The following LIPA variants were observed in gnomAD, a reference collection of about 807,000 sequenced individuals.
LIPA encodes lipase A, lysosomal acid type.
Under a neutral mutation model 40.6 loss-of-function variants are expected in LIPA, and 26 were observed. The ratio of observed to expected loss-of-function variants is 0.64; its 90% confidence interval spans 0.47 to 0.89. LIPA has a LOEUF of 0.89. Among genes scored for constraint, LIPA ranks in the 40% least tolerant of loss-of-function variants. LIPA has a pLI of 0.00. For missense variants in LIPA, 455 were observed against 479.6 expected (o/e 0.95, Z 0.48); for synonymous variants, 188 against 168.4 (o/e 1.12, Z -0.90).
At chr10:89,327,446 G>A (rs561829043) in intron 1 of LIPA, among the ~76,000 whole-genome samples, 1 of 152,212 alleles carries the variant, frequency 6.6e-6, no homozygotes, top group South Asian at 2.1e-4. Context: ...AGCTACTCGG[G>A]AGGCTGAGGC....
chr10:89,359,324 T>C (rs1844006442), intron 2 of LIPA, among the ~76,000 whole-genome samples: 1 of 152,244 alleles, frequency 6.6e-6, no homozygotes, highest in South Asian at 2.1e-4. Flanking sequence ...AATTGATGAA[T>C]TAGTTAATTA....
At chr10:89,266,904 G>A (rs553558567) in intron 1 of LIPA, among the ~76,000 whole-genome samples, 5 of 152,352 alleles carry the variant, frequency 3.3e-5, no homozygotes, top group South Asian at 2.1e-4. Flanking sequence ...TAAAACTGCA[G>A]AGTGCATCAA....
At chr10:89,338,518 C>T (rs1198694068) in intron 1 of LIPA, 1 of 751,812 alleles carries the variant, frequency 1.3e-6, no homozygotes, top group Non-Finnish European at 2.1e-6. Context: ...CCAGAAACAA[C>T]CTCACATACA....
chr10:89,393,731 AAAAC>A (rs981855451), intron 2 of LIPA, among the ~76,000 whole-genome samples: 4 of 152,220 alleles, frequency 2.6e-5, no homozygotes, highest in Non-Finnish European at 5.9e-5. Context: ...CTCCGTCTCA[AAAAC>A]AAACAAACAA....
At chr10:89,266,263 G>T (rs1843235749) in intron 1 of LIPA, among the ~76,000 whole-genome samples, 1 of 152,130 alleles carries the variant, frequency 6.6e-6, no homozygotes, top group South Asian at 2.1e-4. Context: ...CTGTATTAAT[G>T]ATATGTCTTT....
chr10:89,281,939 G>A (rs1009909001), intron 1 of LIPA, among the ~76,000 whole-genome samples: 9 of 152,198 alleles, frequency 5.9e-5, no homozygotes, highest in Admixed American at 1.3e-4. Context: ...TTCTCCATCA[G>A]AATAAACAGT....
In LIPA at chr10:89,228,911, T is replaced by A. The variant is rs1214941838; in HGVS notation, c.230-513A>T. Among the ~76,000 whole-genome samples the A allele has an allele frequency of 2.6e-5, 4 of 152,220 alleles. No individual in the cohort carries two copies. In the East Asian group the frequency reaches 7.7e-4, roughly 29 times the overall value. ...AACTCTCATTCATTGCTGGTGGAAA[T>A]GCAAACTGGTAGCACCACACTGGAA... On this transcript the variant is annotated intron_variant, in intron 3 of 9. Coordinates refer to ENST00000336233, the MANE Select transcript of LIPA (RefSeq NM_000235.4).
intron 1 of LIPA, among the ~76,000 whole-genome samples, chr10:89,258,225 G>C (rs1052037092): frequency 5.9e-5 from 9 of 152,120 alleles, no homozygotes; most frequent in Non-Finnish European, 1.3e-4. Flanking sequence ...TAGAACACTT[G>C]AATAGCTATA....
At chr10:89,277,526 A>G (rs1218813209) in intron 1 of LIPA, among the ~76,000 whole-genome samples, 2 of 152,236 alleles carry the variant, frequency 1.3e-5, no homozygotes, top group African/African-American at 4.8e-5. Context: ...GAAATTCAAT[A>G]TATATTGACT....
Position 89,412,747 on chromosome 10 carries a change from G to A in LIPA, c.61+44C>T, listed in dbSNP as rs190863467. 247 of 438,232 alleles carry A rather than the reference G, an allele frequency of 5.6e-4. 1 individual carries two copies. Among genetic ancestry groups the A allele is most frequent in the African/African-American group, 4.6e-3 (225 of 48,888 alleles). 27.1% of individuals were successfully genotyped at this position (438,232 alleles called of 1,614,324 possible). A position where few individuals can be genotyped will look rare whatever the true frequency, so the allele number is the denominator to read the frequency against. ...TAAGATCTGTAACACTCACTGTGAA[G>A]GTCTGCAGCTGCACTCCTGAAGTCA... On this transcript the variant is annotated intron_variant, in intron 2 of 8. Transcript: ENST00000371837.
chr10:89,381,541 C>G (rs914271423), intron 2 of LIPA, among the ~76,000 whole-genome samples: 3 of 152,110 alleles, frequency 2.0e-5, no homozygotes, highest in Admixed American at 6.6e-5. Context: ...CTCTCATATT[C>G]CACAGACTCA....
chr10:89,414,545 T>G, exon 1 of LIPA: 2 of 442,792 alleles, frequency 4.5e-6, no homozygotes. Flanking sequence ...AAGCTTACGT[T>G]TAGTTTCGAT....
At chr10:89,373,196 G>A (rs193125615) in intron 2 of LIPA, among the ~76,000 whole-genome samples, 174 of 152,034 alleles carry the variant, frequency 1.1e-3, no homozygotes, top group East Asian at 3.5e-3. Flanking sequence ...TTTGCCGGGC[G>A]TGGTGGTGGG....
chr10:89,248,455 TA>T (rs1843066461), intron 1 of LIPA, among the ~76,000 whole-genome samples: 1 of 41,786 alleles, frequency 2.4e-5, no homozygotes, highest in Non-Finnish European at 4.5e-5. Context: ...TTTATTTATT[TA>T]TTTATTTATT....
At chr10:89,306,320 C>A (rs762973451) in intron 1 of LIPA, 1 of 1,614,130 alleles carries the variant, frequency 6.2e-7, no homozygotes, top group Non-Finnish European at 8.5e-7. Context: ...CAAGGTGAAA[C>A]ATGTCTGTGA....
chr10:89,368,886 C>T (rs1347607248), intron 2 of LIPA, among the ~76,000 whole-genome samples: 1 of 149,712 alleles, frequency 6.7e-6, no homozygotes, highest in Non-Finnish European at 1.5e-5. Context: ...TATAAACTTA[C>T]ACACACAAAC....
intron 1 of LIPA, among the ~76,000 whole-genome samples, chr10:89,413,797 A>G (rs1218135922): frequency 6.6e-6 from 1 of 152,032 alleles, no homozygotes; most frequent in Non-Finnish European, 1.5e-5. Flanking sequence ...AATCAATGCA[A>G]AAGATGAATT....
At chr10:89,385,696 C>A (rs992458312) in intron 2 of LIPA, among the ~76,000 whole-genome samples, 1 of 152,212 alleles carries the variant, frequency 6.6e-6, no homozygotes, top group Admixed American at 6.5e-5. Context: ...GTAGCTGGGA[C>A]CTGCTGGTCA....
intron 1 of LIPA, chr10:89,306,289 A>T (rs1321557668): frequency 6.2e-7 from 1 of 1,613,970 alleles, no homozygotes; most frequent in African/African-American, 1.3e-5. Flanking sequence ...GCCGACTCTC[A>T]GACGTTCAGA....
Sources: gnomAD v4.1 joint callset for allele counts (sites outside exome capture counted in the v4.1 genomes callset) on GRCh38, gnomAD v4.1.1 for gene constraint, MANE v1.5 for transcripts, NCBI Gene and HGNC (gene_info 2026-07-23, HGNC 2026-07-21) for gene names.